CABCOCO1: variants seen among roughly 807,000 people sequenced by gnomAD.
CABCOCO1 encodes the protein ciliary associated calcium binding coiled-coil 1, also known as ciliary-associated calcium-binding coiled-coil protein 1.
A neutral mutation model predicts 35.7 loss-of-function variants in CABCOCO1; 28 were observed. That is an observed-to-expected ratio of 0.78 (90% CI 0.58 to 1.07). CABCOCO1 has a LOEUF of 1.07. Ranked by LOEUF, CABCOCO1 falls within the 50% of genes least tolerant of loss-of-function variation. The pLI is 0.00. For missense variants in CABCOCO1, 326 were observed against 309.2 expected (o/e 1.05, Z -0.41); for synonymous variants, 95 against 100.1 (o/e 0.95, Z 0.30).
At chr10:61,762,652 C>T (rs1178767783) in intron 7 of CABCOCO1, among the ~76,000 whole-genome samples, 1 of 152,072 alleles carries the variant, frequency 6.6e-6, no homozygotes, top group African/African-American at 2.4e-5. Flanking sequence ...GTGAGTTAGG[C>T]AGGCACTTCC....
At chr10:61,757,314 T>G (rs186570642) in intron 5 of CABCOCO1, among the ~76,000 whole-genome samples, 1 of 152,170 alleles carries the variant, frequency 6.6e-6, no homozygotes, top group East Asian at 1.9e-4. Context: ...AAACCATATA[T>G]TTGATAATGT....
chr10:61,691,230 G>A (rs1840130436), intron 5 of CABCOCO1, among the ~76,000 whole-genome samples: 1 of 151,944 alleles, frequency 6.6e-6, no homozygotes, highest in African/African-American at 2.4e-5. Flanking sequence ...TGTTTCCTGT[G>A]GGTTGATGTA....
At chr10:61,721,151 C>A (rs1362007648) in intron 5 of CABCOCO1, among the ~76,000 whole-genome samples, 2 of 151,720 alleles carry the variant, frequency 1.3e-5, no homozygotes, top group Admixed American at 1.3e-4. Context: ...GTCTCGATCT[C>A]CTGACCTCAT....
intron 5 of CABCOCO1, among the ~76,000 whole-genome samples, chr10:61,698,158 G>A (rs1001216991): frequency 1.6e-4 from 24 of 152,072 alleles, no homozygotes; most frequent in Admixed American, 6.6e-4. Context: ...ATACACATTT[G>A]TGTTTGGATA....
At chr10:61,697,141 T>C (rs943204764) in intron 5 of CABCOCO1, among the ~76,000 whole-genome samples, 6 of 152,092 alleles carry the variant, frequency 3.9e-5, no homozygotes, top group Admixed American at 1.3e-4. Flanking sequence ...ATATCTTTCT[T>C]CCCTAAATAT....
At chr10:61,718,252 G>C (rs1381277904) in intron 5 of CABCOCO1, among the ~76,000 whole-genome samples, 1 of 152,100 alleles carries the variant, frequency 6.6e-6, no homozygotes, top group Non-Finnish European at 1.5e-5. Flanking sequence ...GTCAGATTTT[G>C]GGTGTGTATT....
chr10:61,747,018 G>T (rs1432196672), intron 5 of CABCOCO1, among the ~76,000 whole-genome samples: 1 of 152,096 alleles, frequency 6.6e-6, no homozygotes, highest in East Asian at 1.9e-4. Flanking sequence ...ATGCTAGTAA[G>T]ATGGTGAAGT....
intron 5 of CABCOCO1, among the ~76,000 whole-genome samples, chr10:61,758,466 A>G (rs1841943745): frequency 6.6e-6 from 1 of 152,106 alleles, no homozygotes; most frequent in Admixed American, 6.6e-5. Context: ...GAAGTGCATA[A>G]GAGAAAAGAA....
At chr10:61,676,339 C>G (rs1234384215) in intron 2 of CABCOCO1, among the ~76,000 whole-genome samples, 1 of 152,024 alleles carries the variant, frequency 6.6e-6, no homozygotes, top group East Asian at 1.9e-4. Flanking sequence ...TATAAGAAGC[C>G]TGGCAGTAAG....
At chr10:61,715,295 T>C (rs1589137151) in intron 5 of CABCOCO1, among the ~76,000 whole-genome samples, 1 of 152,236 alleles carries the variant, frequency 6.6e-6, no homozygotes. Flanking sequence ...TTAATCTTTG[T>C]TGGTTTAAAA....
intron 2 of CABCOCO1, among the ~76,000 whole-genome samples, chr10:61,677,811 G>GTTTTTTTTTTT (rs35492889): frequency 2.2e-4 from 13 of 60,322 alleles, no homozygotes; most frequent in South Asian, 7.9e-4. Context: ...TTTTTTGGGT[G>GTTTTTTTTTTT]TTTTTTTTTT....
chr10:61,731,283 A>C (rs1841295840), intron 5 of CABCOCO1, among the ~76,000 whole-genome samples: 1 of 151,928 alleles, frequency 6.6e-6, no homozygotes, highest in Non-Finnish European at 1.5e-5. Flanking sequence ...AAAGTAAAAC[A>C]AACAGAATTC....
chr10:61,677,548 CT>C (rs34580224), intron 2 of CABCOCO1, among the ~76,000 whole-genome samples: 9 of 150,444 alleles, frequency 6.0e-5, no homozygotes, highest in Admixed American at 1.3e-4. Flanking sequence ...TTTTCTTTTT[CT>C]TTTTTTTTAT....
intron 5 of CABCOCO1, among the ~76,000 whole-genome samples, chr10:61,752,872 G>A (rs532026843): frequency 1.4e-4 from 21 of 152,152 alleles, no homozygotes; most frequent in Non-Finnish European, 2.8e-4. Flanking sequence ...CTGAAGTGCA[G>A]TTCAATCAGT....
At chr10:61,669,880 A>AT (rs1839305055) in intron 1 of CABCOCO1, among the ~76,000 whole-genome samples, 1 of 152,158 alleles carries the variant, frequency 6.6e-6, no homozygotes, top group African/African-American at 2.4e-5. Flanking sequence ...CATTATTAAT[A>AT]TGACAGTAAT....
At chr10:61,760,753 TG>T in intron 6 of CABCOCO1, 109 bp from the exon 7 acceptor site, 1 of 1,256,412 alleles carries the variant, frequency 8.0e-7, no homozygotes, top group Non-Finnish European at 1.1e-6. Flanking sequence ...ACTTGTATCC[TG>T]GAACTTAAAG....
In CABCOCO1 at chr10:61,714,828, G is replaced by A. The variant is rs544348009; in HGVS notation, c.552+24207G>A. Among the ~76,000 whole-genome samples, 19 of 152,310 alleles carry A rather than the reference G, an allele frequency of 1.2e-4. No homozygotes were observed. In the South Asian group the frequency reaches 3.7e-3, roughly 30 times the overall value. On this transcript the variant is annotated intron_variant, in intron 5 of 7. Coordinates refer to ENST00000648843, the MANE Select transcript of CABCOCO1 (RefSeq NM_001366906.2). ...TCCATGTAGTTGTGCACTTTTGAGT[G>A]AGTTTCCTAATCCTAAGTTCTAATT... is the stretch of plus-strand genomic sequence containing the variant.
intron 5 of CABCOCO1, among the ~76,000 whole-genome samples, chr10:61,703,919 A>T (rs1840530016): frequency 6.6e-6 from 1 of 152,142 alleles, no homozygotes; most frequent in Admixed American, 6.6e-5. Context: ...GGTTTTAAAA[A>T]TATGTGCAAA....
intron 5 of CABCOCO1, among the ~76,000 whole-genome samples, chr10:61,745,588 T>C (rs1012657605): frequency 1.1e-4 from 17 of 152,174 alleles, no homozygotes; most frequent in African/African-American, 4.1e-4. Context: ...TTACTCCACC[T>C]TCAGACTGTA....
Sources: allele counts gnomAD v4.1 joint callset (sites outside exome capture counted in the v4.1 genomes callset), GRCh38; gene constraint gnomAD v4.1.1; transcripts MANE v1.5; gene names NCBI Gene and HGNC (gene_info 2026-07-23, HGNC 2026-07-21).